Variants in ZNF679 observed in about 807,000 individuals in gnomAD.
ZNF679 encodes zinc finger protein 679.
Under a neutral mutation model 13.4 loss-of-function variants are expected in ZNF679, and 10 were observed. The ratio of observed to expected loss-of-function variants is 0.75; its 90% CI spans 0.46 to 1.27. ZNF679 has a LOEUF of 1.27. ZNF679 is among the 50% of genes most tolerant of loss of function. ZNF679 has a pLI of 0.00. For synonymous variants in ZNF679, 179 were observed against 162.5 expected (o/e 1.10, Z -0.77); for missense variants, 525 against 477.8 (o/e 1.10, Z -0.92).
chr7:64,253,713 A>G (rs2115573315), intron 2 of ZNF679, among the ~76,000 whole-genome samples: 1 of 152,348 alleles, frequency 6.6e-6, no homozygotes, highest in South Asian at 2.1e-4. Flanking sequence ...AATAGCAAAC[A>G]AATTTAGAAA....
chr7:64,264,742 T>A (rs1471982389), intron 4 of ZNF679, among the ~76,000 whole-genome samples: 1 of 152,156 alleles, frequency 6.6e-6, no homozygotes, highest in African/African-American at 2.4e-5. Context: ...CAGAGGACTA[T>A]GCTTATAAAT....
At chr7:64,238,419 C>T (rs2116514501) in intron 1 of ZNF679, among the ~76,000 whole-genome samples, 1 of 152,236 alleles carries the variant, frequency 6.6e-6, no homozygotes, top group Non-Finnish European at 1.5e-5. Context: ...GAAACAGAGT[C>T]TCACTCACTC....
intron 1 of ZNF679, among the ~76,000 whole-genome samples, chr7:64,248,635 C>T (rs1335598370): frequency 6.6e-6 from 1 of 152,112 alleles, no homozygotes; most frequent in Non-Finnish European, 1.5e-5. Flanking sequence ...AACCATATCA[C>T]TGCAAAGGAC....
intron 1 of ZNF679, 96 bp downstream of exon 1, chr7:64,228,748 G>A (rs958510117): frequency 1.3e-5 from 2 of 152,238 alleles, no homozygotes; most frequent in African/African-American, 2.4e-5. Flanking sequence ...GTCCTCATAA[G>A]ATAGGCACAG....
chr7:64,265,969 A>G lies in ZNF679; in HGVS notation c.336A>G (p.Pro112=). The change falls in exon 5 of 5, where the codon CCA becomes CCG. Residue 112 remains proline, a synonymous_variant. Transcript: ENST00000421025. ...GIKDSLQKVI[P]RRYGKSGHDN... ...AAGATTCACTCCAAAAAGTAATACC[A>G]AGAAGATATGGAAAAAGTGGACATG... The G allele has an allele frequency of 6.2e-7, 1 of 1,613,882 alleles. No individual in the cohort carries two copies. Among genetic ancestry groups the G allele is most frequent in the Non-Finnish European group, 8.5e-7 (1 of 1,179,878 alleles).
chr7:64,242,755 G>A (rs1787814795), intron 1 of ZNF679, among the ~76,000 whole-genome samples: 1 of 127,838 alleles, frequency 7.8e-6, no homozygotes, highest in Admixed American at 9.1e-5. Flanking sequence ...CATGTGTGTG[G>A]TAATCACCTG....
chr7:64,236,905 AAAAAG>A (rs531984131), intron 1 of ZNF679, among the ~76,000 whole-genome samples: 4,315 of 145,480 alleles, frequency 0.03, 156 homozygotes, highest in East Asian at 0.15. Flanking sequence ...AGAAAAAGAA[AAAAAG>A]AAAGAAAGAA....
intron 1 of ZNF679, among the ~76,000 whole-genome samples, chr7:64,247,911 G>A (rs937495956): frequency 6.6e-6 from 1 of 151,652 alleles, no homozygotes; most frequent in Non-Finnish European, 1.5e-5. Context: ...AAATTTACAT[G>A]TGGCTCATAT....
chr7:64,235,228 A>G (rs1210530856), intron 1 of ZNF679, among the ~76,000 whole-genome samples: 1 of 152,066 alleles, frequency 6.6e-6, no homozygotes, highest in African/African-American at 2.4e-5. Flanking sequence ...ATAGTAAACA[A>G]CATGTTCCTG....
chr7:64,237,998 A>G (rs777872607), intron 1 of ZNF679, among the ~76,000 whole-genome samples: 6 of 152,200 alleles, frequency 3.9e-5, no homozygotes, highest in Non-Finnish European at 7.3e-5. Flanking sequence ...CTGTAAGAAC[A>G]ACTTACTGCA....
At chr7:64,235,482 A>C (rs1787696922) in intron 1 of ZNF679, among the ~76,000 whole-genome samples, 1 of 151,776 alleles carries the variant, frequency 6.6e-6, no homozygotes, top group Non-Finnish European at 1.5e-5. Context: ...AAATAATCCC[A>C]GCATTAGCAT....
chr7:64,237,294 A>C (rs1383355921), intron 1 of ZNF679, among the ~76,000 whole-genome samples: 1 of 152,210 alleles, frequency 6.6e-6, no homozygotes, highest in Non-Finnish European at 1.5e-5. Context: ...CAATTTCTGA[A>C]GGTGAAGCCT....
chr7:64,239,281 G>T (rs531130020), intron 1 of ZNF679, among the ~76,000 whole-genome samples: 77 of 152,282 alleles, frequency 5.1e-4, no homozygotes, highest in African/African-American at 1.7e-3. Flanking sequence ...CACCCCTACT[G>T]GGACACAGCT....
At position 64,266,713 on chromosome 7, in the gene ZNF679, C is replaced by A. The variant is rs976264402; in HGVS notation, c.1080C>A (p.Ala360=). ...KPYKCKECGK[A]FAFSSTLNTH... is the part of the protein sequence containing the mutation. ...ACAAATGTAAAGAATGTGGGAAAGCCTTTGCCTTCTCCTCAACTCTTAATA... is the reference window on the plus strand; with the variant it reads ...ACAAATGTAAAGAATGTGGGAAAGCATTTGCCTTCTCCTCAACTCTTAATA... Residue 360 remains alanine, a synonymous_variant, in exon 5 of 5, where the codon GCC becomes GCA. Transcript: ENST00000421025. 1 of 1,612,682 alleles carries A rather than the reference C, an allele frequency of 6.2e-7. No individual in the cohort carries two copies. Among genetic ancestry groups the A allele is most frequent in the Non-Finnish European group, 8.5e-7 (1 of 1,179,378 alleles).
At position 64,260,367 on chromosome 7, in the gene ZNF679, A is replaced by G. The variant is rs112368936; in HGVS notation, c.166+20A>G. On this transcript the variant is annotated intron_variant, in intron 3 of 4. Coordinates refer to ENST00000421025, the MANE Select transcript of ZNF679 (RefSeq NM_153363.3). ...CCCTGGGTGAGGATAACTTCAATAC[A>G]CAATTCCTAATATATTTCTTTTCTC... 6,705 of 1,587,770 alleles carry G rather than the reference A, an allele frequency of 4.2e-3. 231 individuals carry two copies. In the African/African-American group the frequency reaches 0.079, roughly 19 times the overall value.
intron 2 of ZNF679, among the ~76,000 whole-genome samples, chr7:64,256,766 C>T (rs1233443439): frequency 6.7e-6 from 1 of 148,742 alleles, no homozygotes; most frequent in East Asian, 2.0e-4. Flanking sequence ...GGCATGATCT[C>T]AGCTCACTGC....
intron 1 of ZNF679, among the ~76,000 whole-genome samples, chr7:64,236,548 G>A (rs559706027): frequency 6.6e-6 from 1 of 152,172 alleles, no homozygotes; most frequent in South Asian, 2.1e-4. Context: ...CTTTGTGGAG[G>A]CTGAGGTGGG....
At chr7:64,258,012 A>C (rs761152636) in intron 2 of ZNF679, among the ~76,000 whole-genome samples, 1 of 152,152 alleles carries the variant, frequency 6.6e-6, no homozygotes, top group Non-Finnish European at 1.5e-5. Flanking sequence ...CAACCTTTGC[A>C]TCAAAGGAAG....
At chr7:64,247,608 C>T (rs747185501) in intron 1 of ZNF679, among the ~76,000 whole-genome samples, 1 of 152,068 alleles carries the variant, frequency 6.6e-6, no homozygotes, top group Non-Finnish European at 1.5e-5. Flanking sequence ...GGCTATATTG[C>T]GGTGGCACGA....
Sources: allele counts gnomAD v4.1 joint callset (sites outside exome capture counted in the v4.1 genomes callset), GRCh38; gene constraint gnomAD v4.1.1; transcripts MANE v1.5; gene names NCBI Gene and HGNC (gene_info 2026-07-23, HGNC 2026-07-21).